ELMO1: variants seen among roughly 807,000 people sequenced by gnomAD.
ELMO1 encodes engulfment and cell motility protein 1.
In ELMO1, 26 loss-of-function variants were observed where a neutral mutation model predicts 98.9. The observed-to-expected ratio is 0.26, with a 90% CI of 0.19 to 0.36. The LOEUF (loss-of-function observed/expected upper bound fraction) is 0.36, where lower values mean the gene tolerates loss of function less well. Among genes scored for constraint, ELMO1 ranks in the 10% least tolerant of loss-of-function variants. ELMO1 has a pLI of 1.00. For synonymous variants in ELMO1, 346 were observed against 346.0 expected (o/e 1.00, Z 0.00); for missense variants, 627 against 935.2 (o/e 0.67, Z 4.30).
chr7:37,103,375 T>G (rs1784745699), intron 14 of ELMO1, among the ~76,000 whole-genome samples: 1 of 151,936 alleles, frequency 6.6e-6, no homozygotes, highest in African/African-American at 2.4e-5. Flanking sequence ...TAGCATCTCT[T>G]TAGAAAAGTG....
intron 4 of ELMO1, among the ~76,000 whole-genome samples, chr7:37,277,549 A>C (rs1362108202): frequency 1.3e-5 from 2 of 152,238 alleles, no homozygotes; most frequent in Admixed American, 6.5e-5. Flanking sequence ...AGGGAAGAGC[A>C]GGAGTAAGGG....
chr7:36,893,898 G>C (rs1193555678), intron 17 of ELMO1, among the ~76,000 whole-genome samples: 2 of 152,146 alleles, frequency 1.3e-5, no homozygotes, highest in African/African-American at 4.8e-5. Flanking sequence ...AAATACTGGA[G>C]AGCAACAAAC....
At chr7:37,100,418 T>C (rs1372552205) in intron 14 of ELMO1, among the ~76,000 whole-genome samples, 1 of 150,830 alleles carries the variant, frequency 6.6e-6, no homozygotes, top group Non-Finnish European at 1.5e-5. Flanking sequence ...ATCAGGAACA[T>C]TTATGGCTTG....
At chr7:37,317,157 A>G (rs770923326) in intron 2 of ELMO1, among the ~76,000 whole-genome samples, 49 of 152,272 alleles carry the variant, frequency 3.2e-4, no homozygotes, top group Admixed American at 6.5e-4. Context: ...TCACCCTTGG[A>G]CGTGATGCTA....
intron 4 of ELMO1, among the ~76,000 whole-genome samples, chr7:37,312,289 A>G (rs978065981): frequency 2.0e-5 from 3 of 152,186 alleles, no homozygotes; most frequent in African/African-American, 7.2e-5. Flanking sequence ...TGGTTTTGCC[A>G]TGTTGGCCAG....
At chr7:37,033,831 AGGGAGT>A in intron 15 of ELMO1, among the ~76,000 whole-genome samples, 1 of 152,300 alleles carries the variant, frequency 6.6e-6, no homozygotes, top group East Asian at 1.9e-4. Flanking sequence ...CCGAGGCAGA[AGGGAGT>A]GGGTGGTTCA....
chr7:37,075,599 G>T (rs1322845269), intron 15 of ELMO1, among the ~76,000 whole-genome samples: 2 of 152,146 alleles, frequency 1.3e-5, no homozygotes, highest in Non-Finnish European at 2.9e-5. Context: ...TAAAAGGATG[G>T]ACACTGTCCT....
At chr7:37,099,536 C>A (rs1784529646) in intron 14 of ELMO1, among the ~76,000 whole-genome samples, 2 of 152,068 alleles carry the variant, frequency 1.3e-5, no homozygotes, top group Admixed American at 1.3e-4. Context: ...GAACAGAAAT[C>A]AAAATGAAGT....
At chr7:37,144,483 A>C (rs77997653) in intron 13 of ELMO1, among the ~76,000 whole-genome samples, 2 of 151,982 alleles carry the variant, frequency 1.3e-5, no homozygotes, top group African/African-American at 4.8e-5. Context: ...ATACAGATTT[A>C]TTTTCTTTTC....
chr7:37,217,409 C>T (rs1182959456), intron 10 of ELMO1, among the ~76,000 whole-genome samples: 1 of 152,088 alleles, frequency 6.6e-6, no homozygotes, highest in Admixed American at 6.6e-5. Flanking sequence ...AGTCTTGGAG[C>T]ACTTGGAGCC....
intron 14 of ELMO1, among the ~76,000 whole-genome samples, chr7:37,126,582 A>T (rs1232070264): frequency 6.6e-6 from 1 of 152,200 alleles, no homozygotes; most frequent in Non-Finnish European, 1.5e-5. Context: ...AGAAGTATCA[A>T]GCAACGTTTT....
chr7:37,405,328 C>T (rs1424809451), intron 1 of ELMO1, among the ~76,000 whole-genome samples: 1 of 152,186 alleles, frequency 6.6e-6, no homozygotes, highest in Non-Finnish European at 1.5e-5. Flanking sequence ...GACCCCCTCC[C>T]CACGCCCCAG....
chr7:37,360,406 T>C (rs1018629889), intron 1 of ELMO1, among the ~76,000 whole-genome samples: 2 of 146,054 alleles, frequency 1.4e-5, no homozygotes, highest in Non-Finnish European at 3.0e-5. Flanking sequence ...TGAAAGTTTA[T>C]GAAACTTAAC....
chr7:37,058,587 G>A (rs1796511236), intron 15 of ELMO1, among the ~76,000 whole-genome samples: 6 of 152,120 alleles, frequency 3.9e-5, no homozygotes, highest in Admixed American at 3.9e-4. Flanking sequence ...ATGATTCTGT[G>A]TCTGCATGAG....
chr7:37,277,555 A>G (rs1284321959), intron 4 of ELMO1, among the ~76,000 whole-genome samples: 1 of 152,226 alleles, frequency 6.6e-6, no homozygotes, highest in Non-Finnish European at 1.5e-5. Context: ...GAGCAGGAGT[A>G]AGGGGTGGCA....
rs146417170 is a variant in ELMO1 at position 36,950,034 on chromosome 7, T to C, written c.1438-55017A>G. Among the ~76,000 whole-genome samples, 952 of 152,336 alleles carry C rather than the reference T, an allele frequency of 6.2e-3. 12 individuals are homozygous for C. The highest frequency in any genetic ancestry group is 0.022 in the African/African-American group (898 of 41,574). On this transcript the variant is annotated intron_variant, in intron 16 of 21. Transcript: ENST00000310758. Reference sequence around the variant, plus strand: ...TCGTGCTGTGTTCGCCCCATGCTCCTATACATCTCATTTCCATTCTCCCCT... The same window carrying C: ...TCGTGCTGTGTTCGCCCCATGCTCCCATACATCTCATTTCCATTCTCCCCT...
At position 37,185,518 on chromosome 7, in the gene ELMO1, C is replaced by G. The variant is rs74749572; in HGVS notation, c.1086+25868G>C. On this transcript the variant is annotated intron_variant, in intron 13 of 21. Coordinates refer to ENST00000310758, the MANE Select transcript of ELMO1 (RefSeq NM_014800.11). ...GCATGGTAAACCCACTCAGATCACC[C>G]TAGATTCAAGCTTTTGTTGGAGAAA... Among the ~76,000 whole-genome samples, 919 of 152,194 alleles carry G rather than the reference C, an allele frequency of 6.0e-3. 12 individuals are homozygous for G. The highest frequency in any genetic ancestry group is 0.02 in the African/African-American group (844 of 41,508).
At chr7:37,079,544 C>A (rs73346392) in intron 15 of ELMO1, among the ~76,000 whole-genome samples, 3,866 of 152,254 alleles carry the variant, frequency 0.025, 142 homozygotes, top group African/African-American at 0.083. Flanking sequence ...GTCCCATTGC[C>A]TCTGCCCCTA....
intron 16 of ELMO1, among the ~76,000 whole-genome samples, chr7:36,955,907 G>T (rs1053499593): frequency 2.0e-5 from 3 of 152,108 alleles, no homozygotes; most frequent in Admixed American, 1.3e-4. Flanking sequence ...CACCCAAGAG[G>T]ATAAACTGTT....
Sources: gnomAD v4.1 joint callset for allele counts (sites outside exome capture counted in the v4.1 genomes callset) on GRCh38, gnomAD v4.1.1 for gene constraint, MANE v1.5 for transcripts, NCBI Gene and HGNC (gene_info 2026-07-23, HGNC 2026-07-21) for gene names.